The following RUNX2 variants were observed in gnomAD, a reference collection of about 807,000 sequenced individuals.
RUNX2 encodes runt-related transcription factor 2.
RUNX2 carries 10 observed loss-of-function variants against 51.7 expected under a neutral mutation model. That is an observed-to-expected ratio of 0.19 (90% CI 0.12 to 0.33). The LOEUF (loss-of-function observed/expected upper bound fraction) is 0.33, where lower values mean the gene tolerates loss of function less well. Ranked by LOEUF, RUNX2 falls within the 10% of genes least tolerant of loss-of-function variation. The pLI, the probability that RUNX2 is intolerant of heterozygous loss-of-function variation, is 1.00. For synonymous variants in RUNX2, 276 were observed against 273.6 expected (o/e 1.01, Z -0.09); for missense variants, 562 against 691.3 (o/e 0.81, Z 2.10).
intron 6 of RUNX2, among the ~76,000 whole-genome samples, chr6:45,492,539 C>T (rs1210816887): frequency 6.6e-6 from 1 of 152,088 alleles, no homozygotes. Flanking sequence ...TTGAAAATTG[C>T]CCAGGGCGAA....
chr6:45,535,196 C>G (rs935044520), intron 7 of RUNX2, among the ~76,000 whole-genome samples: 2 of 151,864 alleles, frequency 1.3e-5, no homozygotes, highest in Non-Finnish European at 2.9e-5. Flanking sequence ...CTCCGAGTCA[C>G]AAGTTTATCT....
At chr6:45,432,622 T>C (rs747666627) in intron 4 of RUNX2, among the ~76,000 whole-genome samples, 62 of 152,242 alleles carry the variant, frequency 4.1e-4, no homozygotes, top group Admixed American at 1.4e-3. Context: ...CTAATATTAA[T>C]AGTTCCATAC....
chr6:45,460,460 A>C (rs1054165292), intron 5 of RUNX2, among the ~76,000 whole-genome samples: 1 of 152,218 alleles, frequency 6.6e-6, no homozygotes, highest in Non-Finnish European at 1.5e-5. Context: ...GAAAATTAAG[A>C]GAAATGGAGG....
intron 2 of RUNX2, among the ~76,000 whole-genome samples, chr6:45,345,158 T>C (rs773307543): frequency 1.6e-4 from 25 of 152,192 alleles, no homozygotes; most frequent in Admixed American, 4.6e-4. Flanking sequence ...AGAATACTTA[T>C]AAAAATCTTT....
chr6:45,504,171 C>T (rs897955508), intron 6 of RUNX2, among the ~76,000 whole-genome samples: 20 of 152,156 alleles, frequency 1.3e-4, no homozygotes, highest in African/African-American at 4.8e-4. Context: ...GGCTTCTCAG[C>T]AGACATGAGC....
chr6:45,477,396 G>A (rs958920268), intron 5 of RUNX2, among the ~76,000 whole-genome samples: 8 of 152,010 alleles, frequency 5.3e-5, no homozygotes, highest in Admixed American at 1.3e-4. Flanking sequence ...TTGCTTCCTG[G>A]GTGTCTGCAC....
chr6:45,385,084 A>G (rs1470105074), intron 2 of RUNX2, among the ~76,000 whole-genome samples: 1 of 152,208 alleles, frequency 6.6e-6, no homozygotes, highest in Non-Finnish European at 1.5e-5. Flanking sequence ...TAGTAAGTAC[A>G]CTATTTGTCA....
intron 6 of RUNX2, among the ~76,000 whole-genome samples, chr6:45,506,215 G>T (rs1800963111): frequency 6.6e-6 from 1 of 152,080 alleles, no homozygotes; most frequent in Non-Finnish European, 1.5e-5. Flanking sequence ...GAGCAGCCCT[G>T]GTCCTCTGCT....
intron 5 of RUNX2, among the ~76,000 whole-genome samples, chr6:45,468,160 A>C (rs1799690835): frequency 6.6e-6 from 1 of 152,198 alleles, no homozygotes; most frequent in Non-Finnish European, 1.5e-5. Context: ...TTAGCCCCGT[A>C]CTTCTCAAAT....
intron 5 of RUNX2, among the ~76,000 whole-genome samples, chr6:45,443,994 G>A (rs945760525): frequency 1.3e-5 from 2 of 152,118 alleles, no homozygotes; most frequent in Admixed American, 6.5e-5. Context: ...AGGATTACAG[G>A]TGTGTACCAC....
At chr6:45,348,422 T>C (rs1427981606) in intron 2 of RUNX2, among the ~76,000 whole-genome samples, 1 of 150,462 alleles carries the variant, frequency 6.6e-6, no homozygotes, top group Non-Finnish European at 1.5e-5. Flanking sequence ...ATCCCAGCAC[T>C]TTGGGAGGCC....
At chr6:45,471,326 A>G (rs148159799) in intron 5 of RUNX2, among the ~76,000 whole-genome samples, 18 of 152,288 alleles carry the variant, frequency 1.2e-4, no homozygotes, top group African/African-American at 3.6e-4. Flanking sequence ...TATGGATATA[A>G]GTCAGGGAAT....
chr6:45,433,512 A>T (rs1455049831), intron 4 of RUNX2, among the ~76,000 whole-genome samples: 1 of 151,864 alleles, frequency 6.6e-6, no homozygotes. Context: ...AACTAGAGTA[A>T]TGAATTTTAG....
chr6:45,399,983 A>G (rs1037092969), intron 2 of RUNX2, among the ~76,000 whole-genome samples: 3 of 144,790 alleles, frequency 2.1e-5, no homozygotes, highest in Admixed American at 6.9e-5. Flanking sequence ...GAAGGAAGGA[A>G]AGAAAGGAGG....
rs1802361911 is a variant in RUNX2 at position 45,545,232 on chromosome 6, C to A, written c.1037C>A (p.Thr346Asn). Residue 346 changes from threonine to asparagine, a missense_variant, in exon 8 of 9, where the codon ACC becomes AAC. By Grantham distance (65) the Thr-to-Asn change is moderately conservative (BLOSUM62 0). Coordinates refer to ENST00000647337, the MANE Select transcript of RUNX2 (RefSeq NM_001024630.4). ...CATTTTACAGATGATGACACTGCCA[C>A]CTCTGACTTCTGCCTCTGGCCTTCC... ...PRRISDDDTATSDFCLWPSTL... is the reference protein window; with the variant it reads ...PRRISDDDTANSDFCLWPSTL... 1.3e-6 allele frequency: 2 copies of A among 1,549,836 alleles called. No individual in the cohort carries two copies. The highest frequency in any genetic ancestry group is 2.0e-5 in the Admixed American group (1 of 50,984).
In RUNX2 at chr6:45,435,606, C is replaced by T. The variant is rs142692974; in HGVS notation, c.581-2341C>T. On this transcript the variant is annotated intron_variant, in intron 4 of 8. Coordinates refer to ENST00000647337, the MANE Select transcript of RUNX2 (RefSeq NM_001024630.4). ...CTCCTGACCTCAGGCGATCTGCCCT[C>T]CTCCACCTCCCAAAGTGTTGGGATT... is the stretch of plus-strand genomic sequence containing the variant. Among the ~76,000 whole-genome samples, 31 of 152,322 alleles carry T rather than the reference C, an allele frequency of 2.0e-4. No individual in the cohort carries two copies. The East Asian group carries it at 4.2e-3, about 21-fold the overall frequency.
At chr6:45,423,026 C>T in intron 3 of RUNX2, 69 bp downstream of exon 3, 2 of 1,573,526 alleles carry the variant, frequency 1.3e-6, no homozygotes, top group African/African-American at 1.4e-5. Context: ...GTCTTCCTGC[C>T]CACGGGGCTG....
intron 5 of RUNX2, among the ~76,000 whole-genome samples, chr6:45,486,292 C>T (rs183576647): frequency 6.6e-6 from 1 of 152,234 alleles, no homozygotes; most frequent in East Asian, 1.9e-4. Context: ...CTGTGAACTC[C>T]TTGAGGGCAA....
chr6:45,535,276 T>C (rs1801995573), intron 7 of RUNX2, among the ~76,000 whole-genome samples: 2 of 151,734 alleles, frequency 1.3e-5, no homozygotes, highest in Admixed American at 1.3e-4. Context: ...TAGAGGTGAT[T>C]GCGCGATTGT....
Sources: allele counts gnomAD v4.1 joint callset (sites outside exome capture counted in the v4.1 genomes callset), GRCh38; gene constraint gnomAD v4.1.1; transcripts MANE v1.5; gene names NCBI Gene and HGNC (gene_info 2026-07-23, HGNC 2026-07-21).